Variants in PHOX2B observed in about 807,000 individuals in gnomAD.
PHOX2B encodes paired like homeobox 2B.
A neutral mutation model predicts 15.5 loss-of-function variants in PHOX2B; 1 was observed. The observed-to-expected ratio is 0.06, with a 90% confidence interval of 0.02 to 0.31. The LOEUF (loss-of-function observed/expected upper bound fraction) is 0.31. PHOX2B is among the 10% of genes least tolerant of loss of function. The probability of loss-of-function intolerance (pLI) is 1.00; values close to 1 mark genes in which losing one functional copy is unlikely to be tolerated. For missense variants in PHOX2B, 314 were observed against 436.4 expected, an observed-to-expected ratio of 0.72 and a Z score of 2.50; for synonymous variants, 206 against 190.5, an observed-to-expected ratio of 1.08 and a Z score of -0.67.
rs1577559082 is a variant in PHOX2B, at chr4:41,746,061, C to T, written c.691G>A (p.Gly231Ser). The change falls in exon 3 of 3, where the codon GGC (glycine) becomes AGC (serine). Residue 231 changes from glycine to serine, a missense_variant. Transcript: ENST00000226382. ...AGAPGAAGPG[G>S]PGGEPGKGGA... ...CCCTTGCCGGGTTCGCCTCCCGGGCCCCCGGGCCCCGCCGCCCCCGGAGCT... is the reference window on the plus strand; with the variant it reads ...CCCTTGCCGGGTTCGCCTCCCGGGCTCCCGGGCCCCGCCGCCCCCGGAGCT... 6.6e-6 allele frequency: 9 copies of T among 1,369,942 alleles called. No individual in the cohort carries two copies. Among genetic ancestry groups the T allele is most frequent in the Non-Finnish European group, 8.4e-6 (9 of 1,069,442 alleles). 84.9% of individuals were successfully genotyped at this position (1,369,942 alleles called of 1,614,324 possible).
Position 41,746,011 on chromosome 4 carries a change from G to GCC in PHOX2B, c.740_741insGG (p.Ala249ArgfsTer61). ...CCGCTGCCGCCGCCGCCGCTGCCGC[G>GCC]GCCGCCGCCGCTGCTGCTGCGCCGC... On this transcript the variant is annotated frameshift_variant, in exon 3 of 3. Transcript: ENST00000226382. LOFTEE classifies it high-confidence loss of function. The GCC allele has an allele frequency of 8.9e-7, 1 of 1,119,710 alleles. No homozygotes were observed. The highest frequency in any genetic ancestry group is 1.1e-6 in the Non-Finnish European group (1 of 916,540). The allele number at this position is 1,119,710 out of a possible 1,614,324, so 69.4% of individuals were successfully genotyped here.
In PHOX2B at chr4:41,745,508, T is replaced by G. The variant is rs1733854040; in HGVS notation, c.*299A>C. ...AGAGTGCCCCGCGTCCAGGCCGCGCTGCTCACAACCCCCGATCAGCAGGCG... is the reference window on the plus strand; with the variant it reads ...AGAGTGCCCCGCGTCCAGGCCGCGCGGCTCACAACCCCCGATCAGCAGGCG... On this transcript the variant is annotated 3_prime_UTR_variant, in exon 3 of 3. Coordinates refer to ENST00000226382, the MANE Select transcript of PHOX2B (RefSeq NM_003924.4). The surrounding 1 kb of genome is among the most constrained non-coding windows in gnomAD (Gnocchi z 4.0). 1 of 371,222 alleles carries G rather than the reference T, an allele frequency of 2.7e-6. No homozygotes were observed. The highest frequency in any genetic ancestry group is 2.1e-5 in the African/African-American group (1 of 47,186). 23.0% of individuals were successfully genotyped at this position (371,222 alleles called of 1,614,324 possible).
intron 2 of PHOX2B, among the ~76,000 whole-genome samples, 166 bp downstream of exon 2, chr4:41,747,183 T>G (rs775194855): frequency 1.2e-4 from 18 of 152,088 alleles, no homozygotes; most frequent in South Asian, 4.2e-4. Context: ...GCTCTAAGCC[T>G]CTCTCGAACG....
At chr4:41,747,761 G>T in intron 1 of PHOX2B, 1 of 690,974 alleles carries the variant, frequency 1.4e-6, no homozygotes, top group Non-Finnish European at 2.6e-6. Context: ...TGGCACAAGC[G>T]CCTTTGGGTG....
At chr4:41,747,583 C>G in intron 1 of PHOX2B, 47 bp from the exon 2 acceptor site, 1 of 1,521,694 alleles carries the variant, frequency 6.6e-7, no homozygotes, top group Non-Finnish European at 9.0e-7. Context: ...CAGCCGGCAG[C>G]TCGCCGGCCG....
At position 41,748,632 on chromosome 4, in the gene PHOX2B, A is replaced by G; in HGVS notation, c.-22T>C. ...ACATTGAAAAGGTTCTGGATGGCTCAGCCAAGTGGAAAAATGAAATAAAAG... is the reference window on the plus strand; with the variant it reads ...ACATTGAAAAGGTTCTGGATGGCTCGGCCAAGTGGAAAAATGAAATAAAAG... On this transcript the variant is annotated 5_prime_UTR_variant, in exon 1 of 3. Transcript: ENST00000226382. The G allele has an allele frequency of 6.2e-7, 1 of 1,610,958 alleles. No individual in the cohort carries two copies. Among genetic ancestry groups the G allele is most frequent in the Non-Finnish European group, 8.5e-7 (1 of 1,177,360 alleles).
chr4:41,747,270 G>A lies in PHOX2B; in HGVS notation c.429+79C>T. 3 of 1,240,314 alleles carry A rather than the reference G, an allele frequency of 2.4e-6. No individual in the cohort carries two copies. The South Asian group carries it at 3.6e-5, about 15-fold the overall frequency. The allele number at this position is 1,240,314 out of a possible 1,614,324, so 76.8% of individuals were successfully genotyped here. On this transcript the variant is annotated intron_variant, in intron 2 of 2. Transcript: ENST00000226382. The stretch of plus-strand genomic sequence containing the variant: ...TTCTCACTCGAGGCTCCAGGACTTC[G>A]AATTTCACCAGCCGCCCCTCACCCC...
chr4:41,745,985 G>T lies in PHOX2B; in HGVS notation c.767C>A (p.Ala256Glu). 1 of 1,240,770 alleles carries T rather than the reference G, an allele frequency of 8.1e-7. No individual in the cohort carries two copies. The highest frequency in any genetic ancestry group is 1.0e-6 in the Non-Finnish European group (1 of 994,668). 76.9% of individuals were successfully genotyped at this position (1,240,770 alleles called of 1,614,324 possible). Residue 256 changes from alanine (A) to glutamate (E), a missense_variant, in exon 3 of 3, where the codon GCA becomes GAA. Transcript: ENST00000226382. The surrounding 1 kb of genome is among the most constrained non-coding windows in gnomAD (Gnocchi z 4.0). ...AAAAAAAAAA[A>E]AAAAGGLAAA... Reference sequence around the variant, plus strand: ...AGCCAGGCCTCCAGCTGCCGCCGCTGCCGCTGCCGCCGCCGCCGCTGCCGC... The same window carrying T: ...AGCCAGGCCTCCAGCTGCCGCCGCTTCCGCTGCCGCCGCCGCCGCTGCCGC...
rs1733837933 is a variant in PHOX2B at position 41,745,012 on chromosome 4, G to A, written c.*795C>T. 1 of 233,158 alleles carries A rather than the reference G, an allele frequency of 4.3e-6. No individual in the cohort carries two copies. Among genetic ancestry groups the A allele is most frequent in the African/African-American group, 2.2e-5 (1 of 45,326 alleles). 14.4% of individuals were successfully genotyped at this position (233,158 alleles called of 1,614,324 possible). On this transcript the variant is annotated 3_prime_UTR_variant, in exon 3 of 3. Coordinates refer to ENST00000226382, the MANE Select transcript of PHOX2B (RefSeq NM_003924.4). This position sits in a 1 kb window ranked among gnomAD's most constrained non-coding sequence, Gnocchi z 4.0. ...TAATGGCGGGATGGTGTTCAGCGAG[G>A]TGGGACAGGCAAGGGGGTGCGAGAA...
At position 41,746,117 on chromosome 4, in the gene PHOX2B, C is replaced by T; in HGVS notation, c.635G>A (p.Gly212Glu). 6.3e-7 allele frequency: 1 copy of T among 1,592,352 alleles called. No individual in the cohort carries two copies. Among genetic ancestry groups the T allele is most frequent in the Non-Finnish European group, 8.5e-7 (1 of 1,173,188 alleles). ...CGGGCTGGGCCCGCCGCCGCCGCCT[C>T]CATTCGCCCCGCAGCTGGGGGTGGG... Reference protein sequence around the residue: ...PNPTPSCGANGGGGGGPSPAG... With the variant: ...PNPTPSCGANEGGGGGPSPAG... The change falls in exon 3 of 3, where the codon GGA (glycine) becomes GAA (glutamate). Residue 212 changes from glycine to glutamate, a missense_variant. Transcript: ENST00000226382.
rs368666751 is a variant in PHOX2B, at chr4:41,747,588, C to A, written c.242-52G>T. 3.2e-4 allele frequency: 477 copies of A among 1,500,536 alleles called. 1 individual carries two copies. The highest frequency in any genetic ancestry group is 4.1e-4 in the Non-Finnish European group (445 of 1,089,202). 93.0% of individuals were successfully genotyped at this position (1,500,536 alleles called of 1,614,324 possible). A position where few individuals can be genotyped will look rare whatever the true frequency, so the allele number is the denominator to read the frequency against. On this transcript the variant is annotated intron_variant, in intron 1 of 2. Coordinates refer to ENST00000226382, the MANE Select transcript of PHOX2B (RefSeq NM_003924.4). Reference sequence around the variant, plus strand: ...GTGAGCAAATCAGCCGGCAGCTCGCCGGCCGTGGAGCTAGAATGTGAGGAC... The same window carrying A: ...GTGAGCAAATCAGCCGGCAGCTCGCAGGCCGTGGAGCTAGAATGTGAGGAC...
Position 41,744,089 on chromosome 4 carries a change from G to A in PHOX2B, c.*1718C>T, listed in dbSNP as rs1307119483. On this transcript the variant is annotated 3_prime_UTR_variant, in exon 3 of 3. Coordinates refer to ENST00000226382, the MANE Select transcript of PHOX2B (RefSeq NM_003924.4). Reference sequence around the variant, plus strand: ...AAAGAAGAGTTCAATTGCTAGACTTGCTTTTTGTTTTTATTATCAACAATC... The same window carrying A: ...AAAGAAGAGTTCAATTGCTAGACTTACTTTTTGTTTTTATTATCAACAATC... 6.2e-6 allele frequency: 1 copy of A among 161,196 alleles called. No homozygotes were observed. The highest frequency in any genetic ancestry group is 1.1e-4 in the East Asian group (1 of 8,698). 10.0% of individuals were successfully genotyped at this position (161,196 alleles called of 1,614,324 possible).
intron 2 of PHOX2B, 122 bp from the exon 3 acceptor site, chr4:41,746,444 G>T: frequency 2.2e-6 from 2 of 923,768 alleles, no homozygotes; most frequent in Admixed American, 2.0e-5. Flanking sequence ...TCCTCCCCAT[G>T]CGCTGTGATC....
Position 41,745,774 on chromosome 4 carries a change from TCGCCGC to T in PHOX2B, c.*27_*32del, listed in dbSNP as rs763380864. 8.2e-6 allele frequency: 13 copies of T among 1,584,872 alleles called. No homozygotes were observed. In the African/African-American group the frequency reaches 1.4e-4, roughly 17 times the overall value. On this transcript the variant is annotated 3_prime_UTR_variant, in exon 3 of 3. Coordinates refer to ENST00000226382, the MANE Select transcript of PHOX2B (RefSeq NM_003924.4). This position sits in a 1 kb window ranked among gnomAD's most constrained non-coding sequence, Gnocchi z 4.0. ...CGCCCGGGCCCTGGCTCGCCCGCTG[TCGCCGC>T]CGCCGCCGCCGCCGCAGGATTCCAG... is the stretch of plus-strand genomic sequence containing the variant.
chr4:41,746,609 T>C (rs1733908982), intron 2 of PHOX2B, among the ~76,000 whole-genome samples: 1 of 152,126 alleles, frequency 6.6e-6, no homozygotes. Context: ...AGGGAAGGCC[T>C]TATTTTGGTG....
intron 2 of PHOX2B, 52 bp downstream of exon 2, chr4:41,747,297 C>A: frequency 6.7e-7 from 1 of 1,496,614 alleles, no homozygotes; most frequent in Non-Finnish European, 9.2e-7. Context: ...CCTCACCCCA[C>A]ACCTCCCCGG....
At position 41,745,993 on chromosome 4, in the gene PHOX2B, C is replaced by CGCG. The variant is rs1733878131; in HGVS notation, c.758_759insCGC (p.Ala260dup). Reference sequence around the variant, plus strand: ...CTCCAGCTGCCGCCGCTGCCGCTGCCGCCGCCGCCGCTGCCGCGGCCGCCG... The same window carrying CGCG: ...CTCCAGCTGCCGCCGCTGCCGCTGCCGCGGCCGCCGCCGCTGCCGCGGCCGCCG... On this transcript the variant is annotated inframe_insertion, in exon 3 of 3. Coordinates refer to ENST00000226382, the MANE Select transcript of PHOX2B (RefSeq NM_003924.4). This position sits in a 1 kb window ranked among gnomAD's most constrained non-coding sequence, Gnocchi z 4.0. 3.3e-6 allele frequency: 4 copies of CGCG among 1,209,260 alleles called. No individual in the cohort carries two copies. Among genetic ancestry groups the CGCG allele is most frequent in the Non-Finnish European group, 3.1e-6 (3 of 974,582 alleles). The allele number at this position is 1,209,260 out of a possible 1,614,324, so 74.9% of individuals were successfully genotyped here. A position where few individuals can be genotyped will look rare whatever the true frequency, so the allele number is the denominator to read the frequency against.
Position 41,746,005 on chromosome 4 carries a change from T to TGCCGCGGCCGCC in PHOX2B, c.735_746dup (p.Ala257_Ala260dup), listed in dbSNP as rs1553897780. On this transcript the variant is annotated inframe_insertion, in exon 3 of 3. Coordinates refer to ENST00000226382, the MANE Select transcript of PHOX2B (RefSeq NM_003924.4). The stretch of plus-strand genomic sequence containing the variant: ...CCGCTGCCGCTGCCGCCGCCGCCGC[T>TGCCGCGGCCGCC]GCCGCGGCCGCCGCCGCTGCTGCTG... The TGCCGCGGCCGCC allele has an allele frequency of 3.7e-5, 42 of 1,147,948 alleles. No individual in the cohort carries two copies. Among genetic ancestry groups the TGCCGCGGCCGCC allele is most frequent in the Non-Finnish European group, 4.5e-5 (42 of 934,644 alleles). 71.1% of individuals were successfully genotyped at this position (1,147,948 alleles called of 1,614,324 possible).
Position 41,745,907 on chromosome 4 carries a change from G to C in PHOX2B, c.845C>G (p.Ser282Cys), listed in dbSNP as rs1577558774. The part of the protein sequence containing the change: ...GWAPGPGPIT[S>C]IPDSLGGPFA... ...GGGACCCCCAAGCGAATCCGGGATG[G>C]AGGTGATGGGGCCGGGGCCGGGAGC... Residue 282 changes from serine (S) to cysteine (C), a missense_variant, in exon 3 of 3, where the codon TCC becomes TGC. Coordinates refer to ENST00000226382, the MANE Select transcript of PHOX2B (RefSeq NM_003924.4). The surrounding 1 kb of genome is among the most constrained non-coding windows in gnomAD (Gnocchi z 4.0). 6.2e-7 allele frequency: 1 copy of C among 1,606,110 alleles called. No individual in the cohort carries two copies. Among genetic ancestry groups the C allele is most frequent in the Non-Finnish European group, 8.5e-7 (1 of 1,176,596 alleles).
Sources: allele counts gnomAD v4.1 joint callset (sites outside exome capture counted in the v4.1 genomes callset), GRCh38; gene constraint gnomAD v4.1.1; non-coding constraint Gnocchi (gnomAD v3.1); transcripts MANE v1.5; gene names NCBI Gene and HGNC (gene_info 2026-07-23, HGNC 2026-07-21).